The following AKR1D1 variants were observed in gnomAD, a reference collection of about 807,000 sequenced individuals.
AKR1D1 encodes the protein aldo-keto reductase family 1 member D1.
A neutral mutation model predicts 42.6 loss-of-function variants in AKR1D1; 32 were observed. The ratio of observed to expected loss-of-function variants is 0.75; its 90% CI spans 0.57 to 1.01. The LOEUF (loss-of-function observed/expected upper bound fraction) is 1.01, where lower values mean the gene tolerates loss of function less well. Ranked by LOEUF, AKR1D1 falls within the 50% of genes least tolerant of loss-of-function variation. The probability of loss-of-function intolerance (pLI) is 0.00; values close to 1 mark genes in which losing one functional copy is unlikely to be tolerated. For synonymous variants in AKR1D1, 123 were observed against 135.5 expected, an observed-to-expected ratio of 0.91 and a Z score of 0.64; for missense variants, 364 against 402.2, an observed-to-expected ratio of 0.91 and a Z score of 0.81.
intron 2 of AKR1D1, among the ~76,000 whole-genome samples, chr7:138,089,729 C>T (rs1019819012): frequency 1.3e-5 from 2 of 152,046 alleles, no homozygotes; most frequent in Non-Finnish European, 2.9e-5. Flanking sequence ...CATACTTGGG[C>T]GAAATATTGG....
At chr7:138,084,266 T>C (rs995020436) in intron 1 of AKR1D1, among the ~76,000 whole-genome samples, 1 of 150,206 alleles carries the variant, frequency 6.7e-6, no homozygotes, top group Admixed American at 6.6e-5. Context: ...CTTTTTTTTT[T>C]TTTTTTCTTT....
chr7:138,107,142 C>T (rs1794449356), intron 6 of AKR1D1: 1 of 613,548 alleles, frequency 1.6e-6, no homozygotes, highest in South Asian at 1.5e-5. Flanking sequence ...CCTACCTTTC[C>T]CTGTATGCCA....
intron 1 of AKR1D1, among the ~76,000 whole-genome samples, chr7:138,080,911 C>T (rs980299155): frequency 2.0e-5 from 3 of 152,198 alleles, no homozygotes; most frequent in Non-Finnish European, 4.4e-5. Context: ...TGAGCCACCA[C>T]ACCTGGCCCC....
chr7:138,094,365 A>C (rs778798512), intron 3 of AKR1D1, among the ~76,000 whole-genome samples: 4 of 152,134 alleles, frequency 2.6e-5, no homozygotes, highest in Non-Finnish European at 5.9e-5. Flanking sequence ...AAATACAAAA[A>C]TTAGCCAGGC....
intron 1 of AKR1D1, among the ~76,000 whole-genome samples, chr7:138,079,072 T>TCCA (rs1383899691): frequency 6.6e-6 from 1 of 152,170 alleles, no homozygotes; most frequent in African/African-American, 2.4e-5. Context: ...GCTCAAGTGA[T>TCCA]CCACCTGCCC....
At chr7:138,088,819 G>A (rs770008076) in intron 2 of AKR1D1, 51 bp downstream of exon 2, 1 of 1,529,998 alleles carries the variant, frequency 6.5e-7, no homozygotes, top group African/African-American at 1.5e-5. Flanking sequence ...GGTTTCAGTT[G>A]TTCATTTTAT....
Position 138,076,557 on chromosome 7 carries a change from T to C in AKR1D1, c.39T>C (p.Ser13=), listed in dbSNP as rs1399622065. ...CTGCAAGTCACCGCATACCTCTAAG[T>C]GATGGAAACAGCATTCCCATCATCG... is the stretch of plus-strand genomic sequence containing the variant. ...LSAASHRIPL[S]DGNSIPIIGL... Residue 13 remains serine, a synonymous_variant, in exon 1 of 9, where the codon AGT becomes AGC. Transcript: ENST00000242375. 6.2e-7 allele frequency: 1 copy of C among 1,613,498 alleles called. No homozygotes were observed. The highest frequency in any genetic ancestry group is 8.5e-7 in the Non-Finnish European group (1 of 1,179,740).
chr7:138,112,718 A>T (rs1794558179), intron 7 of AKR1D1, among the ~76,000 whole-genome samples: 1 of 151,416 alleles, frequency 6.6e-6, no homozygotes. Flanking sequence ...TTATATAATT[A>T]AAATCTATTA....
In AKR1D1 at chr7:138,088,699, TG is replaced by T. The variant is rs1416661874; in HGVS notation, c.196del (p.Glu66ArgfsTer7). The T allele has an allele frequency of 6.2e-7, 1 of 1,613,746 alleles. No individual in the cohort carries two copies. Among genetic ancestry groups the T allele is most frequent in the Admixed American group, 1.7e-5 (1 of 59,932 alleles). ...AYIYQNEHEV[G>X]EAIREKIAEG... ...ACATCTACCAAAATGAACACGAAGT[TG>T]GGGAGGCCATCAGGGAGAAGATAGC... On this transcript the variant is annotated frameshift_variant, in exon 2 of 9. Transcript: ENST00000242375. LOFTEE classifies it high-confidence loss of function.
intron 4 of AKR1D1, among the ~76,000 whole-genome samples, chr7:138,103,264 ATTAAAC>A (rs1372439985): frequency 2.0e-5 from 3 of 152,056 alleles, no homozygotes; most frequent in South Asian, 2.1e-4. Context: ...AAGTGATCAA[ATTAAAC>A]TTAAAGTGTG....
Position 138,105,234 on chromosome 7 carries a change from A to T in AKR1D1, c.457-73A>T, listed in dbSNP as rs1010005471. The T allele has an allele frequency of 1.7e-5, 28 of 1,604,488 alleles. No homozygotes were observed. In the East Asian group the frequency reaches 5.6e-4, roughly 32 times the overall value. On this transcript the variant is annotated intron_variant, in intron 4 of 8. Coordinates refer to ENST00000242375, the MANE Select transcript of AKR1D1 (RefSeq NM_005989.4). ...GAACTTTCCTTTTTAAAGAATTCAC[A>T]GTCACCCTTATAAACATTCATTCTT...
chr7:138,097,090 T>C (rs1794198787), intron 3 of AKR1D1, among the ~76,000 whole-genome samples: 1 of 152,174 alleles, frequency 6.6e-6, no homozygotes, highest in African/African-American at 2.4e-5. Context: ...GGGATCATCT[T>C]TGATTTCTCC....
intron 1 of AKR1D1, among the ~76,000 whole-genome samples, chr7:138,085,054 C>CAAA (rs58253168): frequency 0.54 from 37,991 of 70,508 alleles, 11,094 homozygotes; most frequent in Non-Finnish European, 0.6. Context: ...GACTCCGTCT[C>CAAA]AAAAAAAAAA....
chr7:138,096,919 CA>C (rs1794195398), intron 3 of AKR1D1, among the ~76,000 whole-genome samples: 1 of 152,184 alleles, frequency 6.6e-6, no homozygotes, highest in South Asian at 2.1e-4. Context: ...TATCTGTAGC[CA>C]TGACCTCTCT....
chr7:138,081,809 C>T (rs551801018), intron 1 of AKR1D1, among the ~76,000 whole-genome samples: 12 of 152,172 alleles, frequency 7.9e-5, no homozygotes, highest in African/African-American at 2.2e-4. Context: ...CTCGAACTGC[C>T]GACCTCAGGT....
At position 138,117,095 on chromosome 7, in the gene AKR1D1, C is replaced by CGG; in HGVS notation, c.*433_*434insGG. On this transcript the variant is annotated 3_prime_UTR_variant, in exon 9 of 9. Coordinates refer to ENST00000242375, the MANE Select transcript of AKR1D1 (RefSeq NM_005989.4). ...AGGCTTTGGACCATTGGTTACAAAA[C>CGG]AGACACAGCCAAGATAAGATCCACA... is the stretch of plus-strand genomic sequence containing the variant. 5 of 162,342 alleles carry CGG rather than the reference C, an allele frequency of 3.1e-5. No individual in the cohort carries two copies. The highest frequency in any genetic ancestry group is 6.0e-5 in the Admixed American group (1 of 16,730). The allele number at this position is 162,342 out of a possible 1,614,324, so 10.1% of individuals were successfully genotyped here. A position where few individuals can be genotyped will look rare whatever the true frequency, so the allele number is the denominator to read the frequency against.
chr7:138,097,362 A>T, intron 3 of AKR1D1, among the ~76,000 whole-genome samples: 1 of 152,208 alleles, frequency 6.6e-6, no homozygotes, highest in East Asian at 1.9e-4. Context: ...TGTGGCTGAA[A>T]AATAAGAGGT....
chr7:138,107,552 A>T lies in AKR1D1; in HGVS notation c.827A>T (p.Asn276Ile). The T allele has an allele frequency of 1.2e-6, 2 of 1,614,028 alleles. No homozygotes were observed. Among genetic ancestry groups the T allele is most frequent in the Non-Finnish European group, 1.7e-6 (2 of 1,179,996 alleles). ...RGVVVIPKSF[N>I]LERIKENFQI... ...GTGGTTGTCATTCCTAAAAGCTTTA[A>T]TCTTGAAAGGATCAAAGAAAATTTT... Residue 276 changes from asparagine (N) to isoleucine (I), a missense_variant, in exon 7 of 9, where the codon AAT (asparagine) becomes ATT (isoleucine). Physicochemically the swap from Asn to Ile is moderately radical, Grantham distance 149 (BLOSUM62 -3). Coordinates refer to ENST00000242375, the MANE Select transcript of AKR1D1 (RefSeq NM_005989.4).
At chr7:138,085,559 C>T (rs1444672062) in intron 1 of AKR1D1, among the ~76,000 whole-genome samples, 1 of 151,816 alleles carries the variant, frequency 6.6e-6, no homozygotes, top group African/African-American at 2.4e-5. Context: ...ATTCCCCTGC[C>T]TCAGCCTCCC....
Sources: gnomAD v4.1 joint callset for allele counts (sites outside exome capture counted in the v4.1 genomes callset) on GRCh38, gnomAD v4.1.1 for gene constraint, MANE v1.5 for transcripts, NCBI Gene and HGNC (gene_info 2026-07-23, HGNC 2026-07-21) for gene names.